Variants in RIN2 observed in about 807,000 individuals in gnomAD.
The protein encoded by RIN2 is RAB5 interacting protein 2.
RIN2 carries 36 observed loss-of-function variants against 78.0 expected under a neutral mutation model. The ratio of observed to expected loss-of-function variants is 0.46; its 90% CI spans 0.35 to 0.61. The LOEUF (loss-of-function observed/expected upper bound fraction) is 0.61, where lower values mean the gene tolerates loss of function less well. Ranked by LOEUF, RIN2 falls within the 20% of genes least tolerant of loss-of-function variation. The probability of loss-of-function intolerance (pLI) is 0.00; values close to 1 mark genes in which losing one functional copy is unlikely to be tolerated. For synonymous variants in RIN2, 466 were observed against 466.8 expected (o/e 1.00, Z 0.02); for missense variants, 1,087 against 1,159.7 (o/e 0.94, Z 0.91).
At chr20:19,787,141 G>C (rs577461459) in intron 1 of RIN2, among the ~76,000 whole-genome samples, 37 of 152,124 alleles carry the variant, frequency 2.4e-4, no homozygotes, top group Non-Finnish European at 4.7e-4. Flanking sequence ...ACAAATGACT[G>C]TCTGGGCACA....
At chr20:19,844,478 G>T (rs948214480) in intron 2 of RIN2, among the ~76,000 whole-genome samples, 8 of 152,130 alleles carry the variant, frequency 5.3e-5, no homozygotes, top group Non-Finnish European at 1.2e-4. Flanking sequence ...AATGACTACT[G>T]CAGGGGACAC....
At chr20:19,800,783 A>G (rs1376259786) in intron 2 of RIN2, among the ~76,000 whole-genome samples, 1 of 152,226 alleles carries the variant, frequency 6.6e-6, no homozygotes, top group Non-Finnish European at 1.5e-5. Flanking sequence ...GTTTTCAGCT[A>G]TTTCATTTAA....
At chr20:19,949,617 T>C (rs570447399) in intron 4 of RIN2, among the ~76,000 whole-genome samples, 16 of 152,348 alleles carry the variant, frequency 1.1e-4, no homozygotes, top group African/African-American at 3.6e-4. Flanking sequence ...CATTTCTGTG[T>C]ATTTTTGCCT....
intron 1 of RIN2, among the ~76,000 whole-genome samples, chr20:19,799,203 A>T (rs900146337): frequency 8.5e-5 from 13 of 152,120 alleles, no homozygotes; most frequent in African/African-American, 2.9e-4. Context: ...GCCTGGAGAT[A>T]TAGGAATTTC....
intron 3 of RIN2, among the ~76,000 whole-genome samples, chr20:19,921,257 AC>A (rs1222746356): frequency 6.6e-6 from 1 of 152,196 alleles, no homozygotes; most frequent in Non-Finnish European, 1.5e-5. Context: ...TCAGAAGAGA[AC>A]CGCTGCCTCC....
At chr20:19,889,679 G>C in intron 3 of RIN2, 21 bp downstream of exon 3, 3 of 1,463,770 alleles carry the variant, frequency 2.0e-6, no homozygotes, top group Non-Finnish European at 2.7e-6. Context: ...GCCTTGATTG[G>C]GATCTCAACT....
At chr20:19,992,683 C>T (rs918545786) in intron 11 of RIN2, among the ~76,000 whole-genome samples, 9 of 151,992 alleles carry the variant, frequency 5.9e-5, no homozygotes, top group African/African-American at 1.2e-4. Context: ...CTATACTTCA[C>T]TAAGATTGCT....
At chr20:19,995,772 T>C (rs2042942122) in intron 11 of RIN2, among the ~76,000 whole-genome samples, 1 of 152,172 alleles carries the variant, frequency 6.6e-6, no homozygotes, top group Non-Finnish European at 1.5e-5. Context: ...AAGTGTATAG[T>C]TTACTTAAGA....
At chr20:19,909,632 G>A (rs528719479) in intron 3 of RIN2, among the ~76,000 whole-genome samples, 1 of 152,294 alleles carries the variant, frequency 6.6e-6, no homozygotes, top group African/African-American at 2.4e-5. Context: ...TCATCATGCT[G>A]GTCCCCTTTC....
chr20:19,846,727 T>G (rs767012726), intron 2 of RIN2, among the ~76,000 whole-genome samples: 1 of 152,244 alleles, frequency 6.6e-6, no homozygotes, highest in Non-Finnish European at 1.5e-5. Flanking sequence ...TCTTGCCTGA[T>G]TGGCCCAGCC....
intron 2 of RIN2, among the ~76,000 whole-genome samples, chr20:19,885,761 C>CA (rs892261597): frequency 1.3e-4 from 20 of 150,750 alleles, no homozygotes; most frequent in African/African-American, 3.6e-4. Context: ...GCACTCAGAA[C>CA]AAAAAAAAGC....
rs191758553 is a variant in RIN2 at position 19,954,620 on chromosome 20, C to T, written c.159-1995C>T. ...GGATCATGGTGCCTGTGGTCCAGGG[C>T]TGCCAAGAGGAGTAAATGAGAGAAT... On this transcript the variant is annotated intron_variant, in intron 4 of 12. Transcript: ENST00000255006. Among the ~76,000 whole-genome samples, 373 of 152,254 alleles carry T rather than the reference C, an allele frequency of 2.4e-3. 1 individual carries two copies. Among genetic ancestry groups the T allele is most frequent in the Middle Eastern group, 3.4e-3 (1 of 294 alleles).
intron 2 of RIN2, among the ~76,000 whole-genome samples, chr20:19,818,396 T>C (rs1210180676): frequency 6.6e-6 from 1 of 152,212 alleles, no homozygotes; most frequent in Non-Finnish European, 1.5e-5. Context: ...TGGGGATCCT[T>C]GCATCACAAG....
At chr20:19,850,644 T>G (rs772556276) in intron 2 of RIN2, among the ~76,000 whole-genome samples, 3 of 152,154 alleles carry the variant, frequency 2.0e-5, no homozygotes, top group African/African-American at 4.8e-5. Flanking sequence ...TAAAACCAGT[T>G]TTAAACGGAT....
chr20:19,770,215 AT>A (rs1366667698), intron 1 of RIN2, among the ~76,000 whole-genome samples: 1 of 152,232 alleles, frequency 6.6e-6, no homozygotes, highest in African/African-American at 2.4e-5. Context: ...AATAAATATC[AT>A]TCTAGAAGCA....
intron 1 of RIN2, among the ~76,000 whole-genome samples, chr20:19,778,975 G>A (rs901585090): frequency 6.6e-6 from 1 of 152,164 alleles, no homozygotes; most frequent in African/African-American, 2.4e-5. Flanking sequence ...TTTGGACTTA[G>A]AACATCACTA....
At chr20:19,846,652 T>C (rs2036793128) in intron 2 of RIN2, among the ~76,000 whole-genome samples, 1 of 152,356 alleles carries the variant, frequency 6.6e-6, no homozygotes, top group Non-Finnish European at 1.5e-5. Context: ...TATACAATCA[T>C]GTCATCTGCA....
At chr20:20,000,571 T>G in intron 12 of RIN2, 42 bp from the exon 13 acceptor site, 2 of 1,500,630 alleles carry the variant, frequency 1.3e-6, no homozygotes, top group South Asian at 1.3e-5. Flanking sequence ...CACTATCTAG[T>G]TTTCTCTTCT....
At chr20:19,811,920 T>C (rs1234931520) in intron 2 of RIN2, among the ~76,000 whole-genome samples, 1 of 152,168 alleles carries the variant, frequency 6.6e-6, no homozygotes, top group Non-Finnish European at 1.5e-5. Context: ...ACCAGTGTAG[T>C]GTTTTAGTAA....
Sources: gnomAD v4.1 joint callset for allele counts (sites outside exome capture counted in the v4.1 genomes callset) on GRCh38, gnomAD v4.1.1 for gene constraint, MANE v1.5 for transcripts, NCBI Gene and HGNC (gene_info 2026-07-23, HGNC 2026-07-21) for gene names.